The following STRA8 variants were observed in gnomAD, a reference collection of about 807,000 sequenced individuals.
STRA8 encodes stimulated by retinoic acid 8.
STRA8 carries 18 observed loss-of-function variants against 37.1 expected under a neutral mutation model. The ratio of observed to expected loss-of-function variants is 0.48; its 90% CI spans 0.34 to 0.72. The LOEUF (loss-of-function observed/expected upper bound fraction) is 0.72. Ranked by LOEUF, STRA8 falls within the 30% of genes least tolerant of loss-of-function variation. The pLI, the probability that STRA8 is intolerant of heterozygous loss-of-function variation, is 0.01. For synonymous variants in STRA8, 168 were observed against 162.9 expected (o/e 1.03, Z -0.24); for missense variants, 357 against 410.4 (o/e 0.87, Z 1.13).
At chr7:135,254,901 G>T (rs1585481318) in intron 7 of STRA8, among the ~76,000 whole-genome samples, 1 of 152,306 alleles carries the variant, frequency 6.6e-6, no homozygotes, top group South Asian at 2.1e-4. Flanking sequence ...GGGCACAGGA[G>T]CCAGTCTCAC....
intron 4 of STRA8, among the ~76,000 whole-genome samples, chr7:135,243,713 T>C (rs1385099714): frequency 6.6e-6 from 1 of 152,142 alleles, no homozygotes; most frequent in East Asian, 1.9e-4. Flanking sequence ...TTCAAGAAAA[T>C]CCATCAAGTT....
rs758070522 is a variant in STRA8, at chr7:135,242,763, GTC to G, written c.193-14_193-13del. The G allele has an allele frequency of 1.2e-6, 2 of 1,613,722 alleles. No homozygotes were observed. Among genetic ancestry groups the G allele is most frequent in the African/African-American group, 1.3e-5 (1 of 74,920 alleles). ...CAGTGAGAGGCTGGCTTTCAGCATT[GTC>G]TCTGTCTATCCTCAGTGGCAGGTTC... On this transcript the variant is annotated splice_polypyrimidine_tract_variant and intron_variant, in intron 2 of 8. Transcript: ENST00000662584.
In STRA8 at chr7:135,246,141, T is replaced by C. The variant is rs1289789314; in HGVS notation, c.594-276T>C. 2.3e-5 allele frequency: 12 copies of C among 513,390 alleles called. No homozygotes were observed. The highest frequency in any genetic ancestry group is 4.2e-5 in the Non-Finnish European group (12 of 286,764). 31.8% of individuals were successfully genotyped at this position (513,390 alleles called of 1,614,324 possible). ...GGATGAGAGCTGAGGCAGCTACGCCTCTTATCTGCTTCTGTCTAACACAGA... is the reference window on the plus strand; with the variant it reads ...GGATGAGAGCTGAGGCAGCTACGCCCCTTATCTGCTTCTGTCTAACACAGA... On this transcript the variant is annotated intron_variant, in intron 5 of 8. Transcript: ENST00000662584. The surrounding 1 kb of genome is among the most constrained non-coding windows in gnomAD (Gnocchi z 5.4).
In STRA8 at chr7:135,252,001, GGA is replaced by G. The variant is rs373521545; in HGVS notation, c.953+144_953+145del. 8.0e-4 allele frequency: 541 copies of G among 676,722 alleles called. 7 individuals carry two copies. Among genetic ancestry groups the G allele is most frequent in the African/African-American group, 7.9e-3 (362 of 45,668 alleles). The allele number at this position is 676,722 out of a possible 1,614,324, so 41.9% of individuals were successfully genotyped here. ...TCAGAGACAGAGAGAGGAGACAGAG[GGA>G]GAGAGAGAGAGTGTGTGTGTGTGTG... is the stretch of plus-strand genomic sequence containing the variant. On this transcript the variant is annotated intron_variant, in intron 7 of 8. Transcript: ENST00000662584.
chr7:135,252,296 T>C (rs1832648907), intron 7 of STRA8, among the ~76,000 whole-genome samples: 1 of 151,978 alleles, frequency 6.6e-6, no homozygotes, highest in African/African-American at 2.4e-5. Flanking sequence ...AAGGGGGAAG[T>C]GCTACACACT....
At position 135,240,652 on chromosome 7, in the gene STRA8, T is replaced by A. The variant is rs1490885608; in HGVS notation, c.128T>A (p.Leu43Gln). 1 of 1,613,932 alleles carries A rather than the reference T, an allele frequency of 6.2e-7. No individual in the cohort carries two copies. The highest frequency in any genetic ancestry group is 8.5e-7 in the Non-Finnish European group (1 of 1,180,020). ...TCCCAGGCCCGCCACCGAGCCACCCTGGCAGCGCTCTTCAACAACCTCAGG... is the reference window on the plus strand; with the variant it reads ...TCCCAGGCCCGCCACCGAGCCACCCAGGCAGCGCTCTTCAACAACCTCAGG... ...RLSQARHRATLAALFNNLRKT... is the reference protein window; with the variant it reads ...RLSQARHRATQAALFNNLRKT... Residue 43 changes from leucine (L) to glutamine (Q), a missense_variant, in exon 2 of 9, where the codon CTG becomes CAG. Transcript: ENST00000662584.
At chr7:135,241,883 CCT>C (rs748920350) in intron 2 of STRA8, among the ~76,000 whole-genome samples, 5 of 152,062 alleles carry the variant, frequency 3.3e-5, no homozygotes, top group Non-Finnish European at 5.9e-5. Context: ...GCATGCAGCC[CCT>C]GACAGATATA....
intron 1 of STRA8, among the ~76,000 whole-genome samples, chr7:135,240,063 G>A (rs1832436620): frequency 6.6e-6 from 1 of 152,116 alleles, no homozygotes; most frequent in African/African-American, 2.4e-5. Flanking sequence ...GCTTTGAACA[G>A]ACTAAAGTAA....
intron 8 of STRA8, 36 bp from the exon 9 acceptor site, chr7:135,258,382 A>G (rs761064957): frequency 3.8e-6 from 6 of 1,561,686 alleles, no homozygotes; most frequent in South Asian, 1.2e-5. Flanking sequence ...AGACCCACAG[A>G]TAAAAAGTGA....
At chr7:135,233,674 C>T (rs1042338719), upstream of STRA8, among the ~76,000 whole-genome samples, 1 of 152,070 alleles carries the variant, frequency 6.6e-6, no homozygotes, top group African/African-American at 2.4e-5. Flanking sequence ...CTGTCGCCTT[C>T]GGACAACTTG....
intron 8 of STRA8, among the ~76,000 whole-genome samples, chr7:135,257,434 C>T (rs1174789664): frequency 1.3e-5 from 2 of 152,012 alleles, no homozygotes; most frequent in East Asian, 3.9e-4. Flanking sequence ...CCTTGCTAAG[C>T]AAACAGTGCT....
intron 5 of STRA8, among the ~76,000 whole-genome samples, chr7:135,245,890 C>T (rs1372058493): frequency 2.0e-5 from 3 of 152,196 alleles, no homozygotes; most frequent in African/African-American, 4.8e-5. Context: ...GTCCGCACTG[C>T]TCTTACAGTA....
chr7:135,251,442 C>T (rs1832632320), intron 6 of STRA8, among the ~76,000 whole-genome samples: 1 of 152,098 alleles, frequency 6.6e-6, no homozygotes, highest in Non-Finnish European at 1.5e-5. Flanking sequence ...ATCTGTGCGC[C>T]TTGGGAAGTT....
intron 6 of STRA8, among the ~76,000 whole-genome samples, chr7:135,248,913 C>T (rs1832602179): frequency 6.6e-6 from 1 of 152,166 alleles, no homozygotes; most frequent in African/African-American, 2.4e-5. Flanking sequence ...TCTGGTTTTC[C>T]TCTGATGTTG....
chr7:135,235,481 G>T (rs1832361527), intron 1 of STRA8, among the ~76,000 whole-genome samples: 1 of 148,524 alleles, frequency 6.7e-6, no homozygotes, highest in African/African-American at 2.5e-5. Flanking sequence ...CACTCTTGTG[G>T]CCCAGGTTGG....
chr7:135,243,050 CA>C (rs1237426499), intron 3 of STRA8, among the ~76,000 whole-genome samples, 194 bp downstream of exon 3: 1 of 152,182 alleles, frequency 6.6e-6, no homozygotes, highest in Non-Finnish European at 1.5e-5. Flanking sequence ...CAAGACTGGC[CA>C]GAGTCACCAG....
chr7:135,251,146 C>T (rs1832629048), intron 6 of STRA8, among the ~76,000 whole-genome samples: 2 of 152,108 alleles, frequency 1.3e-5, no homozygotes, highest in South Asian at 4.2e-4. Context: ...CAATTATGTG[C>T]CAGGTATGTC....
chr7:135,255,339 T>G, intron 8 of STRA8, 114 bp downstream of exon 8: 1 of 735,668 alleles, frequency 1.4e-6, no homozygotes, highest in South Asian at 1.6e-5. Context: ...GAGGAGCCAC[T>G]GGGCAGGGAC....
chr7:135,251,995 A>G (rs1832641852), intron 7 of STRA8, 126 bp downstream of exon 7: 1 of 784,316 alleles, frequency 1.3e-6, no homozygotes, highest in Non-Finnish European at 2.1e-6. Flanking sequence ...GAGAGAGGAG[A>G]CAGAGGGAGA....
Sources: gnomAD v4.1 joint callset for allele counts (sites outside exome capture counted in the v4.1 genomes callset) on GRCh38, gnomAD v4.1.1 for gene constraint, Gnocchi (gnomAD v3.1) non-coding constraint, MANE v1.5 for transcripts, NCBI Gene and HGNC (gene_info 2026-07-23, HGNC 2026-07-21) for gene names.